Variants in PACS2 observed in about 807,000 individuals in gnomAD.
The protein encoded by PACS2 is PACS1-like protein.
In PACS2, 36 loss-of-function variants were observed where a neutral mutation model predicts 113.0. The ratio of observed to expected loss-of-function variants is 0.32; its 90% CI spans 0.24 to 0.42. The LOEUF is 0.42. Among genes scored for constraint, PACS2 ranks in the 10% least tolerant of loss-of-function variants. The pLI is 1.00. For missense variants in PACS2, 1,015 were observed against 1,239.5 expected (o/e 0.82, Z 2.72); for synonymous variants, 589 against 536.1 (o/e 1.10, Z -1.36).
At position 105,354,962 on chromosome 14, in the gene PACS2, C is replaced by T; in HGVS notation, c.298-90C>T. On this transcript the variant is annotated intron_variant, in intron 3 of 24. Transcript: ENST00000447393. This position sits in a 1 kb window ranked among gnomAD's most constrained non-coding sequence, Gnocchi z 4.2. Reference sequence around the variant, plus strand: ...CATGGGCAGCAGGTTGGCCTGGTCGCAGGCTGCAGGGTGGCTGGGCCGTCA... The same window carrying T: ...CATGGGCAGCAGGTTGGCCTGGTCGTAGGCTGCAGGGTGGCTGGGCCGTCA... The T allele has an allele frequency of 2.2e-6, 3 of 1,384,898 alleles. No individual in the cohort carries two copies. Among genetic ancestry groups the T allele is most frequent in the African/African-American group, 2.9e-5 (2 of 70,028 alleles). 85.8% of individuals were successfully genotyped at this position (1,384,898 alleles called of 1,614,324 possible).
chr14:105,382,962 C>A, intron 15 of PACS2, 49 bp downstream of exon 15: 3 of 1,071,628 alleles, frequency 2.8e-6, no homozygotes, highest in Non-Finnish European at 4.3e-6. Context: ...CCCTCGGGGT[C>A]CCTGCACCCC....
At chr14:105,343,944 G>A (rs1442693945) in intron 1 of PACS2, among the ~76,000 whole-genome samples, 1 of 151,522 alleles carries the variant, frequency 6.6e-6, no homozygotes, top group Non-Finnish European at 1.5e-5. Flanking sequence ...TGTGATCTGT[G>A]GCCAGGTGTG....
In PACS2 at chr14:105,314,909, G is replaced by T. The variant is rs1208222855; in HGVS notation, c.-10G>T. The T allele has an allele frequency of 9.9e-7, 1 of 1,005,370 alleles. No homozygotes were observed. Among genetic ancestry groups the T allele is most frequent in the Non-Finnish European group, 1.2e-6 (1 of 845,118 alleles). The allele number at this position is 1,005,370 out of a possible 1,614,324, so 62.3% of individuals were successfully genotyped here. ...CCCCAGGCCGCCGAGGGAGCGGCGGGGCCGGCGCCATGGCCGAGCGAGGCC... is the reference window on the plus strand; with the variant it reads ...CCCCAGGCCGCCGAGGGAGCGGCGGTGCCGGCGCCATGGCCGAGCGAGGCC... On this transcript the variant is annotated 5_prime_UTR_variant, in exon 1 of 25. Coordinates refer to ENST00000447393, the MANE Select transcript of PACS2 (RefSeq NM_001100913.3).
rs782766021 is a variant in PACS2, at chr14:105,397,222, C to G, written c.*2550C>G. The G allele has an allele frequency of 1.4e-4, 21 of 152,374 alleles. No homozygotes were observed. Among genetic ancestry groups the G allele is most frequent in the African/African-American group, 5.1e-4 (21 of 41,470 alleles). 9.4% of individuals were successfully genotyped at this position (152,374 alleles called of 1,614,324 possible). A position where few individuals can be genotyped will look rare whatever the true frequency, so the allele number is the denominator to read the frequency against. On this transcript the variant is annotated 3_prime_UTR_variant, in exon 25 of 25. Coordinates refer to ENST00000447393, the MANE Select transcript of PACS2 (RefSeq NM_001100913.3). ...TGCCTCGGTTTTCCCACTGGTTACA[C>G]AGGATGGTCGCATTTTCCCTGCCTA...
intron 1 of PACS2, among the ~76,000 whole-genome samples, chr14:105,325,457 AG>A (rs2059069120): frequency 6.6e-6 from 1 of 152,186 alleles, no homozygotes; most frequent in South Asian, 2.1e-4. Context: ...CTTGAGGCCC[AG>A]GTGGTCAGCT....
rs199992372 is a variant in PACS2, at chr14:105,354,377, C to CA, written c.298-674dup. Reference sequence around the variant, plus strand: ...TTGGCCTCCCAAAGTGCCGGGATTACAGGTGTGAGCCACCGCGCCTGGCCC... The same window carrying CA: ...TTGGCCTCCCAAAGTGCCGGGATTACAAGGTGTGAGCCACCGCGCCTGGCCC... On this transcript the variant is annotated intron_variant, in intron 3 of 24. Transcript: ENST00000447393. The surrounding 1 kb of genome is among the most constrained non-coding windows in gnomAD (Gnocchi z 4.2). 0.016 allele frequency among the ~76,000 whole-genome samples: 2,437 copies of CA among 152,286 alleles called. 66 individuals carry two copies. The highest frequency in any genetic ancestry group is 0.053 in the African/African-American group (2,212 of 41,552).
rs113934516 is a variant in PACS2 at position 105,330,177 on chromosome 14, C to A, written c.119+15140C>A. Reference sequence around the variant, plus strand: ...AGAAGCCTGGGGTCCGTGTGTGGGACGGAACGGGGACAGGGAGCCTCCGAG... The same window carrying A: ...AGAAGCCTGGGGTCCGTGTGTGGGAAGGAACGGGGACAGGGAGCCTCCGAG... On this transcript the variant is annotated intron_variant, in intron 1 of 24. Coordinates refer to ENST00000447393, the MANE Select transcript of PACS2 (RefSeq NM_001100913.3). This position sits in a 1 kb window ranked among gnomAD's most constrained non-coding sequence, Gnocchi z 6.9. Among the ~76,000 whole-genome samples, 2 of 79,810 alleles carry A rather than the reference C, an allele frequency of 2.5e-5. No homozygotes were observed. The highest frequency in any genetic ancestry group is 5.3e-5 in the African/African-American group (1 of 18,976). The allele number at this position is 79,810 out of a possible 152,430, so 52.4% of individuals were successfully genotyped here. A position where few individuals can be genotyped will look rare whatever the true frequency, so the allele number is the denominator to read the frequency against.
intron 1 of PACS2, among the ~76,000 whole-genome samples, chr14:105,307,548 CTG>C (rs1315146054): frequency 8.5e-5 from 13 of 152,202 alleles, no homozygotes; most frequent in African/African-American, 2.9e-4. Flanking sequence ...GCGGTTGTCT[CTG>C]TGTCTGTCAT....
upstream of PACS2, among the ~76,000 whole-genome samples, chr14:105,314,000 CAACGCTGAAAAGCGGCGCTGAATAA>C (rs1374706719): frequency 1.3e-5 from 2 of 152,270 alleles, no homozygotes; most frequent in African/African-American, 4.8e-5. Flanking sequence ...GTCCTGAGCA[CAACGCTGAAAAGCGGCGCTGAATAA>C]GGATGCTGGG....
intron 4 of PACS2, among the ~76,000 whole-genome samples, chr14:105,361,968 A>G (rs1398837210): frequency 1.3e-4 from 20 of 152,042 alleles, no homozygotes; most frequent in African/African-American, 4.8e-4. Context: ...AAACAAAAAA[A>G]ACGAATTAGT....
chr14:105,385,027 C>T (rs1555413253), intron 18 of PACS2, 40 bp downstream of exon 18: 11 of 1,287,564 alleles, frequency 8.5e-6, no homozygotes, highest in Non-Finnish European at 1.2e-5. Flanking sequence ...CAGGCTGCCG[C>T]CAGCCACCAA....
At chr14:105,312,335 A>G (rs1391998236), upstream of PACS2, among the ~76,000 whole-genome samples, 2 of 152,342 alleles carry the variant, frequency 1.3e-5, no homozygotes, top group East Asian at 3.9e-4. Context: ...AACTTCTTAA[A>G]TAATAATAAC....
chr14:105,379,800 G>A lies in PACS2; in HGVS notation c.1021G>A (p.Ala341Thr), dbSNP rs116085053. 7.1e-4 allele frequency: 1,142 copies of A among 1,613,370 alleles called. 5 individuals carry two copies. In the African/African-American group the frequency reaches 0.012, roughly 17 times the overall value. The part of the protein sequence containing the change: ...SQTEIGSIHS[A>T]RSHKEPPSPA... ...GACGGAGATTGGGAGCATCCACAGC[G>A]CCCGCAGCCACAAGGAGCCCCCAAG... Residue 341 changes from alanine (A) to threonine (T), a missense_variant, in exon 10 of 25, where the codon GCC becomes ACC. By Grantham distance (58) the Ala-to-Thr change is moderately conservative (BLOSUM62 0). This residue lies in a region of PACS2 where 859 missense variants were observed against 1,056.8 expected (regional missense o/e 0.81). Coordinates refer to ENST00000447393, the MANE Select transcript of PACS2 (RefSeq NM_001100913.3).
chr14:105,390,314 C>T (rs889488678), intron 20 of PACS2: 47 of 423,632 alleles, frequency 1.1e-4, no homozygotes, highest in Non-Finnish European at 1.8e-5. Flanking sequence ...AGAGGAGAGA[C>T]TGCCTGCCCG....
At chr14:105,385,590 G>T in intron 18 of PACS2, 95 bp from the exon 19 acceptor site, 2 of 753,804 alleles carry the variant, frequency 2.7e-6, no homozygotes, top group East Asian at 5.7e-5. Context: ...GAGCCCCAGT[G>T]AGATGGGAGC....
chr14:105,344,537 C>T (rs2059848711), intron 1 of PACS2, among the ~76,000 whole-genome samples: 1 of 152,106 alleles, frequency 6.6e-6, no homozygotes, highest in Non-Finnish European at 1.5e-5. Context: ...TACATTTTAT[C>T]AAAGTAGTCA....
At position 105,358,715 on chromosome 14, in the gene PACS2, C is replaced by T. The variant is rs2141074653; in HGVS notation, c.423+3538C>T. Among the ~76,000 whole-genome samples, 1 of 152,286 alleles carries T rather than the reference C, an allele frequency of 6.6e-6. No individual in the cohort carries two copies. The highest frequency in any genetic ancestry group is 1.9e-4 in the East Asian group (1 of 5,168). On this transcript the variant is annotated intron_variant, in intron 4 of 24. Transcript: ENST00000447393. The surrounding 1 kb of genome is among the most constrained non-coding windows in gnomAD (Gnocchi z 4.9). ...TGCACAGCCGGACTCCTCTTGTGGC[C>T]TCGCCACAAGCTGCACATGCCACTG... is the stretch of plus-strand genomic sequence containing the variant.
chr14:105,355,516 A>C lies in PACS2; in HGVS notation c.423+339A>C, dbSNP rs904727626. On this transcript the variant is annotated intron_variant, in intron 4 of 24. Transcript: ENST00000447393. The surrounding 1 kb of genome is among the most constrained non-coding windows in gnomAD (Gnocchi z 4.1). Reference sequence around the variant, plus strand: ...CCATGGAGGAATCGCTGCTGTCCCCACACCACGGGTGCGTCCTGTGATGGG... The same window carrying C: ...CCATGGAGGAATCGCTGCTGTCCCCCCACCACGGGTGCGTCCTGTGATGGG... 1.3e-5 allele frequency among the ~76,000 whole-genome samples: 2 copies of C among 152,154 alleles called. No homozygotes were observed. Among genetic ancestry groups the C allele is most frequent in the Non-Finnish European group, 2.9e-5 (2 of 68,024 alleles).
chr14:105,349,103 A>C (rs1423513837), intron 2 of PACS2, among the ~76,000 whole-genome samples: 5 of 151,964 alleles, frequency 3.3e-5, no homozygotes, highest in African/African-American at 1.2e-4. Flanking sequence ...TGTCTTCCCC[A>C]TGCCTGGCCC....
Sources: allele counts gnomAD v4.1 joint callset (sites outside exome capture counted in the v4.1 genomes callset), GRCh38; gene constraint gnomAD v4.1.1; regional missense constraint gnomAD v4.1.1; non-coding constraint Gnocchi (gnomAD v3.1); transcripts MANE v1.5; gene names NCBI Gene and HGNC (gene_info 2026-07-23, HGNC 2026-07-21).